The following MTA3 variants were observed in gnomAD, a reference collection of about 807,000 sequenced individuals.
MTA3 encodes the protein metastasis associated 1 family member 3.
MTA3 carries 34 observed loss-of-function variants against 83.5 expected under a neutral mutation model. That is an observed-to-expected ratio of 0.41 (90% confidence interval 0.31 to 0.54). MTA3 has a LOEUF of 0.54. Among genes scored for constraint, MTA3 ranks in the 20% least tolerant of loss-of-function variants. The pLI is 0.33. For missense variants in MTA3, 761 were observed against 726.4 expected (o/e 1.05, Z -0.55); for synonymous variants, 303 against 252.7 (o/e 1.20, Z -1.89).
chr2:42,559,833 G>A (rs1380378855), intron 2 of MTA3, among the ~76,000 whole-genome samples: 1 of 151,714 alleles, frequency 6.6e-6, no homozygotes, highest in Non-Finnish European at 1.5e-5. Flanking sequence ...GTGCGGTGGA[G>A]GTTGCAGTAA....
chr2:42,512,455 C>T (rs922849330), intron 2 of MTA3, among the ~76,000 whole-genome samples: 1 of 152,190 alleles, frequency 6.6e-6, no homozygotes, highest in Non-Finnish European at 1.5e-5. Flanking sequence ...TTAACATTTG[C>T]TAGTACTCTA....
intron 2 of MTA3, among the ~76,000 whole-genome samples, chr2:42,513,556 C>T (rs757021777): frequency 3.3e-5 from 5 of 152,170 alleles, no homozygotes; most frequent in Admixed American, 6.5e-5. Context: ...TAGCGAGAGA[C>T]CCAGCTCCAT....
rs1047167293 is a variant in MTA3 at position 42,684,661 on chromosome 2, C to T, written c.891+2072C>T. ...TACACTGTGAGGCTCAATGAAAATT[C>T]AAAAAAGATAAATAAAACCTGCAGA... is the stretch of plus-strand genomic sequence containing the variant. On this transcript the variant is annotated intron_variant, in intron 9 of 16. Coordinates refer to ENST00000405094, the MANE Select transcript of MTA3 (RefSeq NM_001330442.2). Among the ~76,000 whole-genome samples, 13 of 151,968 alleles carry T rather than the reference C, an allele frequency of 8.6e-5. No homozygotes were observed. In the South Asian group the frequency reaches 2.5e-3, roughly 29 times the overall value.
intron 8 of MTA3, among the ~76,000 whole-genome samples, chr2:42,675,370 G>A (rs1434284017): frequency 6.6e-6 from 1 of 152,000 alleles, no homozygotes; most frequent in Non-Finnish European, 1.5e-5. Flanking sequence ...TCCTGACCTC[G>A]TGGTCCGCCT....
chr2:42,734,861 T>C (rs916118192), intron 16 of MTA3, among the ~76,000 whole-genome samples: 2 of 152,212 alleles, frequency 1.3e-5, no homozygotes, highest in African/African-American at 4.8e-5. Context: ...CTCTACACTT[T>C]AACTTCATCC....
At chr2:42,605,873 G>C (rs1288811927) in intron 3 of MTA3, among the ~76,000 whole-genome samples, 2 of 129,120 alleles carry the variant, frequency 1.5e-5, no homozygotes, top group African/African-American at 5.9e-5. Context: ...GGACGGGGCG[G>C]TTGGCCGGGC....
At chr2:42,515,957 C>T (rs1473856333) in intron 2 of MTA3, among the ~76,000 whole-genome samples, 1 of 151,702 alleles carries the variant, frequency 6.6e-6, no homozygotes, top group Admixed American at 6.6e-5. Flanking sequence ...TCTCCTGCTT[C>T]AGCCTCCTGA....
At chr2:42,608,630 C>G (rs1161291210) in intron 3 of MTA3, among the ~76,000 whole-genome samples, 1 of 152,146 alleles carries the variant, frequency 6.6e-6, no homozygotes, top group East Asian at 1.9e-4. Flanking sequence ...TGCCTGTAAT[C>G]CCAGCACTTT....
chr2:42,573,526 G>A (rs1449423555), intron 2 of MTA3, among the ~76,000 whole-genome samples: 1 of 151,744 alleles, frequency 6.6e-6, no homozygotes, highest in Non-Finnish European at 1.5e-5. Flanking sequence ...TTTTGTTGTT[G>A]TTGCTATGGA....
rs371221375 is a variant in MTA3, at chr2:42,501,743, C to T, written c.-141+6489C>T. Among the ~76,000 whole-genome samples the T allele has an allele frequency of 1.2e-4, 18 of 152,152 alleles. No homozygotes were observed. The South Asian group carries it at 2.5e-3, about 21-fold the overall frequency. On this transcript the variant is annotated intron_variant, in intron 2 of 17. Transcript: ENST00000405592. ...CTGTAATTCCAGCACTTTGGGAGGC[C>T]GAGGCGTGTGGATCACTTGCGGTCA...
chr2:42,575,084 A>G (rs1352518083), intron 2 of MTA3, among the ~76,000 whole-genome samples: 2 of 152,236 alleles, frequency 1.3e-5, no homozygotes, highest in African/African-American at 4.8e-5. Context: ...TTTGGCTGTC[A>G]CTGCCCCTCT....
At chr2:42,663,651 A>C (rs377178628) in intron 8 of MTA3, among the ~76,000 whole-genome samples, 2 of 152,088 alleles carry the variant, frequency 1.3e-5, no homozygotes. Context: ...TGTAGTTCCA[A>C]CTATTCGTGA....
chr2:42,627,786 C>T (rs1186537934), intron 4 of MTA3, among the ~76,000 whole-genome samples: 1 of 135,438 alleles, frequency 7.4e-6, no homozygotes, highest in Non-Finnish European at 1.5e-5. Context: ...CCATGTTGGT[C>T]AGACTGGTCT....
chr2:42,538,767 G>GTTTTT (rs1306095679), intron 2 of MTA3, among the ~76,000 whole-genome samples: 2 of 72,702 alleles, frequency 2.8e-5, no homozygotes, highest in African/African-American at 6.0e-5. Flanking sequence ...TGTTTTTTTT[G>GTTTTT]TTTTTTTTTG....
chr2:42,541,429 C>G (rs1356310419), intron 2 of MTA3, among the ~76,000 whole-genome samples: 5 of 152,224 alleles, frequency 3.3e-5, no homozygotes, highest in African/African-American at 4.8e-5. Flanking sequence ...GCCACACAAT[C>G]ATGAGGATAC....
chr2:42,616,395 T>C (rs1219593505), intron 4 of MTA3, among the ~76,000 whole-genome samples: 1 of 149,756 alleles, frequency 6.7e-6, no homozygotes, highest in Non-Finnish European at 1.5e-5. Flanking sequence ...TCATTTTAGA[T>C]TATAAGATTC....
rs1321838654 is a variant in MTA3 at position 42,709,045 on chromosome 2, G to A, written c.1474G>A (p.Ala492Thr). The A allele has an allele frequency of 9.9e-6, 16 of 1,613,542 alleles. No individual in the cohort carries two copies. The South Asian group carries it at 1.3e-4, about 13-fold the overall frequency. The change falls in exon 14 of 17, where the codon GCA (alanine) becomes ACA (threonine). Residue 492 changes from alanine to threonine, a missense_variant. Ala to Thr is a moderately conservative substitution (Grantham distance 58). Coordinates refer to ENST00000405094, the MANE Select transcript of MTA3 (RefSeq NM_001330442.2). ...VCKNTLRLRQAARRPFVAINY... is the reference protein window; with the variant it reads ...VCKNTLRLRQTARRPFVAINY... ...CAAAAATACCCTCCGGCTGCGGCAG[G>A]CAGCAAGACGGCCGTTTGTTGCTAT...
At position 42,545,272 on chromosome 2, in the gene MTA3, GGAGGCTGGGGTGA is replaced by G. The variant is rs572196665; in HGVS notation, c.-140-25160_-140-25148del. ...ACACGCCTGTACTCGCAGCTACTTG[GGAGGCTGGGGTGA>G]GAGGATCACTTGAGCCTGGGAGGCT... On this transcript the variant is annotated intron_variant, in intron 2 of 17. Coordinates refer to the MTA3 transcript ENST00000405592. Among the ~76,000 whole-genome samples, 542 of 152,286 alleles carry G rather than the reference GGAGGCTGGGGTGA, an allele frequency of 3.6e-3. 5 individuals are homozygous for G. The highest frequency in any genetic ancestry group is 0.012 in the African/African-American group (517 of 41,564).
At chr2:42,602,527 A>G (rs1682707965) in intron 3 of MTA3, among the ~76,000 whole-genome samples, 1 of 152,112 alleles carries the variant, frequency 6.6e-6, no homozygotes, top group African/African-American at 2.4e-5. Flanking sequence ...TTCCTCTGTT[A>G]ATGTATGAGA....
Sources: allele counts gnomAD v4.1 joint callset (sites outside exome capture counted in the v4.1 genomes callset), GRCh38; gene constraint gnomAD v4.1.1; transcripts MANE v1.5; gene names NCBI Gene and HGNC (gene_info 2026-07-23, HGNC 2026-07-21).